Variants in SLC7A3 observed in about 807,000 individuals in gnomAD.
The protein encoded by SLC7A3 is solute carrier family 7 member 3.
Under a neutral mutation model 33.2 loss-of-function variants are expected in SLC7A3, and 3 were observed. The observed-to-expected ratio is 0.09, with a 90% CI of 0.04 to 0.23. The LOEUF is 0.23. SLC7A3 is among the 10% of genes least tolerant of loss of function. The pLI is 1.00. For synonymous variants in SLC7A3, 193 were observed against 195.1 expected, an observed-to-expected ratio of 0.99 and a Z score of 0.09; for missense variants, 360 against 488.8, an observed-to-expected ratio of 0.74 and a Z score of 2.48.
chrX:70,929,489 C>T, intron 2 of SLC7A3, 139 bp downstream of exon 2: 2 of 754,196 alleles, frequency 2.7e-6, no homozygotes, highest in Non-Finnish European at 3.7e-6. Flanking sequence ...CAACACCCCC[C>T]CCCAGACCCC....
Position 70,928,241 on chromosome X carries a change from A to C in SLC7A3, c.724T>G (p.Ser242Ala). The C allele has an allele frequency of 1.7e-6, 2 of 1,210,155 alleles. No homozygotes were observed. The highest frequency in any genetic ancestry group is 2.2e-6 in the Non-Finnish European group (2 of 893,980). Residue 242 changes from serine (S) to alanine (A), a missense_variant, in exon 5 of 12, where the codon TCT becomes GCT. Ser to Ala is a moderately conservative substitution (Grantham distance 99, BLOSUM62 1). Transcript: ENST00000374299. ...NDTYSLGPLG[S>A]GGFVPFGFEG... The stretch of plus-strand genomic sequence containing the variant: ...AAGCCGAAAGGCACAAATCCTCCAG[A>C]GCCCAGAGGACCCAAGCTAGAGTGG...
Position 70,925,705 on chromosome X carries a change from G to T in SLC7A3, c.*108C>A. On this transcript the variant is annotated 3_prime_UTR_variant, in exon 12 of 12. Coordinates refer to ENST00000374299, the MANE Select transcript of SLC7A3 (RefSeq NM_032803.6). The stretch of plus-strand genomic sequence containing the variant: ...CACATCCTTCACATCGTACAGAACT[G>T]TATTAGTATCCACCACCACCATCAC... 1.1e-6 allele frequency: 1 copy of T among 913,032 alleles called. No homozygotes were observed. Among genetic ancestry groups the T allele is most frequent in the Non-Finnish European group, 1.6e-6 (1 of 636,010 alleles). The allele number at this position is 913,032 out of a possible 1,213,427, so 75.2% of individuals were successfully genotyped here.
chrX:70,929,065 C>T, intron 2 of SLC7A3, 63 bp from the exon 3 acceptor site: 1 of 1,077,448 alleles, frequency 9.3e-7, no homozygotes, highest in East Asian at 3.0e-5. Flanking sequence ...CAGGCTCACA[C>T]AAGTCCCTGC....
chrX:70,929,235 T>G (rs1428535971), intron 2 of SLC7A3, among the ~76,000 whole-genome samples: 1 of 111,501 alleles, frequency 9.0e-6, no homozygotes. Context: ...GGACTACAGG[T>G]GTAAGCCACC....
At position 70,926,679 on chromosome X, in the gene SLC7A3, C is replaced by T; in HGVS notation, c.1468G>A (p.Ala490Thr). The change falls in exon 10 of 12, where the codon GCT becomes ACT. Residue 490 changes from alanine (A) to threonine (T), a missense_variant. Coordinates refer to ENST00000374299, the MANE Select transcript of SLC7A3 (RefSeq NM_032803.6). ...CACTGGGCCAGCACCAGGCAAAGAG[C>T]AGTCAGCAGGACAGCTTCAAAGGTC... ...CSSLLAVLLTALCLVLAQWSV... is the reference protein window; with the variant it reads ...CSSLLAVLLTTLCLVLAQWSV... The T allele has an allele frequency of 8.4e-7, 1 of 1,188,077 alleles. No individual in the cohort carries two copies. Among genetic ancestry groups the T allele is most frequent in the Non-Finnish European group, 1.1e-6 (1 of 884,157 alleles).
chrX:70,928,309 T>C (rs1415812656), intron 4 of SLC7A3, 52 bp from the exon 5 acceptor site: 1 of 1,133,203 alleles, frequency 8.8e-7, no homozygotes, highest in Admixed American at 2.3e-5. Context: ...GCCAACTCTG[T>C]ATCTTTTCTC....
Position 70,929,942 on chromosome X carries a change from A to G in SLC7A3, c.56T>C (p.Leu19Pro), listed in dbSNP as rs778009194. Residue 19 changes from leucine to proline, a missense_variant, in exon 2 of 12, where the codon CTG becomes CCG. By Grantham distance (98) the Leu-to-Pro change is moderately conservative. Coordinates refer to ENST00000374299, the MANE Select transcript of SLC7A3 (RefSeq NM_032803.6). Reference protein sequence around the residue: ...FGQKLVRRRTLESGMAETRLA... With the variant: ...FGQKLVRRRTPESGMAETRLA... The stretch of plus-strand genomic sequence containing the variant: ...GCGAGTCTCAGCCATGCCTGACTCC[A>G]GTGTACGTCTGCGTACCAGCTTTTG... The G allele has an allele frequency of 5.8e-6, 7 of 1,208,709 alleles. No individual in the cohort carries two copies. The Admixed American group carries it at 6.6e-5, about 11-fold the overall frequency.
rs753171914 is a variant in SLC7A3, at chrX:70,926,888, A to G, written c.1440T>C (p.Cys480=). The part of the protein sequence containing the change: ...TPLSGQIVYV[C]SSLLAVLLTA... ...TCCACTGCTCACCAAGCAATGAGGA[A>G]CAAACATAGACAATTTGGCCAGAGA... The change falls in exon 9 of 12, where the codon TGT becomes TGC. Residue 480 remains cysteine (C), a synonymous_variant. Coordinates refer to ENST00000374299, the MANE Select transcript of SLC7A3 (RefSeq NM_032803.6). 3.3e-6 allele frequency: 4 copies of G among 1,208,632 alleles called. No homozygotes were observed. The South Asian group carries it at 7.1e-5, about 22-fold the overall frequency.
rs760146667 is a variant in SLC7A3 at position 70,929,491 on chromosome X, C to G, written c.370+137G>C. On this transcript the variant is annotated intron_variant, in intron 2 of 11. Coordinates refer to ENST00000374299, the MANE Select transcript of SLC7A3 (RefSeq NM_032803.6). ...TTCTCCACACCTTCAACACCCCCCC[C>G]CAGACCCCCAGCAAACCCGCACATT... is the stretch of plus-strand genomic sequence containing the variant. The G allele has an allele frequency of 1.5e-5, 12 of 778,037 alleles. No homozygotes were observed. The South Asian group carries it at 1.6e-4, about 11-fold the overall frequency. 64.1% of individuals were successfully genotyped at this position (778,037 alleles called of 1,213,427 possible). A position where few individuals can be genotyped will look rare whatever the true frequency, so the allele number is the denominator to read the frequency against.
intron 1 of SLC7A3, 91 bp from the exon 2 acceptor site, chrX:70,930,113 G>A (rs2091907689): frequency 3.3e-6 from 3 of 921,833 alleles, no homozygotes; most frequent in Non-Finnish European, 4.4e-6. Context: ...CCAAGCAAAG[G>A]AGCTATTGGG....
Position 70,927,553 on chromosome X carries a change from C to T in SLC7A3, c.1114G>A (p.Val372Ile), listed in dbSNP as rs1304765031. The stretch of plus-strand genomic sequence containing the variant: ...GTGCCGGTGTGGATCCGAGCAAGTA[C>T]ACGGAACAGGAGGCCATCCTCTGCC... ...AMAEDGLLFRVLARIHTGTRT... is the reference protein window; with the variant it reads ...AMAEDGLLFRILARIHTGTRT... The change falls in exon 7 of 12, where the codon GTA becomes ATA. Residue 372 changes from valine to isoleucine, a missense_variant. Physicochemically the swap from Val to Ile is conservative, Grantham distance 29. Transcript: ENST00000374299. 8.3e-7 allele frequency: 1 copy of T among 1,210,932 alleles called. No homozygotes were observed. Among genetic ancestry groups the T allele is most frequent in the East Asian group, 3.0e-5 (1 of 33,822 alleles).
At chrX:70,929,463 A>C (rs1195502296) in intron 2 of SLC7A3, among the ~76,000 whole-genome samples, 165 bp downstream of exon 2, 2 of 100,608 alleles carry the variant, frequency 2.0e-5, no homozygotes, top group Non-Finnish European at 4.0e-5. Context: ...TAGAATGAGC[A>C]ATTTCTCCAC....
At chrX:70,930,137 G>T in intron 1 of SLC7A3, 115 bp from the exon 2 acceptor site, 1 of 732,564 alleles carries the variant, frequency 1.4e-6, no homozygotes. Context: ...TGAGGACGGG[G>T]ATATGGAAGG....
At chrX:70,930,905 C>CTG (rs1480790688) in intron 1 of SLC7A3, 72 bp downstream of exon 1, 2 of 111,758 alleles carry the variant, frequency 1.8e-5, no homozygotes, top group African/African-American at 6.5e-5. Flanking sequence ...GCCATGGTTG[C>CTG]CAGAGAATCC....
rs1233484569 is a variant in SLC7A3 at position 70,928,938 on chromosome X, A to C, written c.435T>G (p.Ser145=). Residue 145 remains serine, a synonymous_variant, in exon 3 of 12, where the codon TCT becomes TCG. Transcript: ENST00000374299. ...GTGCAATGGACCCCTGCAGAGTCTTAGAGATGTGGTTCCCAATCAGGTTGT... is the reference window on the plus strand; with the variant it reads ...GTGCAATGGACCCCTGCAGAGTCTTCGAGATGTGGTTCCCAATCAGGTTGT... ...AFDNLIGNHI[S]KTLQGSIALH... is the part of the protein sequence containing the mutation. The C allele has an allele frequency of 8.3e-7, 1 of 1,211,598 alleles. No individual in the cohort carries two copies. Among genetic ancestry groups the C allele is most frequent in the South Asian group, 1.8e-5 (1 of 56,993 alleles).
intron 6 of SLC7A3, 64 bp downstream of exon 6, chrX:70,927,734 T>C (rs1035900357): frequency 8.7e-7 from 1 of 1,151,188 alleles, no homozygotes; most frequent in African/African-American, 1.8e-5. Context: ...AGGGGTATTC[T>C]CTGGTACTGA....
chrX:70,925,783 G>A lies in SLC7A3; in HGVS notation c.*30C>T. ...AGGAGTACTCTCCATTATTGTGCAG[G>A]GGACCAGACAGCATTTAGGTGTGAC... On this transcript the variant is annotated 3_prime_UTR_variant, in exon 12 of 12. Coordinates refer to ENST00000374299, the MANE Select transcript of SLC7A3 (RefSeq NM_032803.6). The A allele has an allele frequency of 8.3e-7, 1 of 1,209,417 alleles. No individual in the cohort carries two copies. Among genetic ancestry groups the A allele is most frequent in the Non-Finnish European group, 1.1e-6 (1 of 894,361 alleles).
intron 10 of SLC7A3, 76 bp downstream of exon 10, chrX:70,926,451 T>C: frequency 5.7e-6 from 6 of 1,055,805 alleles, no homozygotes; most frequent in Non-Finnish European, 7.6e-6. Flanking sequence ...ATCTATGAAC[T>C]TTATTAGACC....
intron 8 of SLC7A3, 22 bp from the exon 9 acceptor site, chrX:70,927,063 A>G (rs2091898633): frequency 5.9e-6 from 7 of 1,194,025 alleles, no homozygotes; most frequent in African/African-American, 1.7e-5. Flanking sequence ...GTAAGATGGC[A>G]GTATTAAGAA....
Sources: allele counts gnomAD v4.1 joint callset (sites outside exome capture counted in the v4.1 genomes callset), GRCh38; gene constraint gnomAD v4.1.1; transcripts MANE v1.5; gene names NCBI Gene and HGNC (gene_info 2026-07-23, HGNC 2026-07-21).